ABCC4: variants seen among roughly 807,000 people sequenced by gnomAD.
ABCC4 encodes the protein ATP binding cassette subfamily C member 4 (PEL blood group).
ABCC4 carries 102 observed loss-of-function variants against 168.5 expected under a neutral mutation model. The ratio of observed to expected loss-of-function variants is 0.61; its 90% CI spans 0.52 to 0.71. ABCC4 has a LOEUF of 0.71. ABCC4 is among the 30% of genes least tolerant of loss of function. The probability of loss-of-function intolerance (pLI) is 0.00; values close to 1 mark genes in which losing one functional copy is unlikely to be tolerated. For synonymous variants in ABCC4, 617 were observed against 590.7 expected (o/e 1.04, Z -0.65); for missense variants, 1,402 against 1,605.8 (o/e 0.87, Z 2.17).
At chr13:95,113,336 G>A (rs564288063) in intron 20 of ABCC4, among the ~76,000 whole-genome samples, 98 of 152,300 alleles carry the variant, frequency 6.4e-4, no homozygotes, top group African/African-American at 2.3e-3. Flanking sequence ...TCAGCTAGCA[G>A]AGCTAATAGG....
chr13:95,298,247 C>T (rs1037658217), intron 1 of ABCC4, among the ~76,000 whole-genome samples: 7 of 152,112 alleles, frequency 4.6e-5, no homozygotes, highest in Admixed American at 3.9e-4. Flanking sequence ...AGAGATTGCA[C>T]CACTGCACTC....
chr13:95,141,577 T>C (rs1365702886), intron 19 of ABCC4, among the ~76,000 whole-genome samples: 1 of 152,070 alleles, frequency 6.6e-6, no homozygotes, highest in Non-Finnish European at 1.5e-5. Flanking sequence ...TCAATGAAGT[T>C]TTTAATAAAC....
chr13:95,133,936 T>C (rs1194695312), intron 19 of ABCC4, among the ~76,000 whole-genome samples: 1 of 152,212 alleles, frequency 6.6e-6, no homozygotes, highest in Non-Finnish European at 1.5e-5. Context: ...CCCACTTTCC[T>C]GCCCAAGCCA....
intron 25 of ABCC4, among the ~76,000 whole-genome samples, chr13:95,069,695 C>A (rs561650506): frequency 5.9e-5 from 9 of 152,312 alleles, no homozygotes; most frequent in African/African-American, 1.9e-4. Flanking sequence ...GTAAGTGGAA[C>A]CTTATAGCAC....
intron 8 of ABCC4, among the ~76,000 whole-genome samples, chr13:95,204,323 C>A (rs2038719379): frequency 6.6e-6 from 1 of 152,174 alleles, no homozygotes; most frequent in South Asian, 2.1e-4. Flanking sequence ...ACTAAGGCAG[C>A]AACATAGGTG....
chr13:95,166,453 T>C, intron 14 of ABCC4, 86 bp from the exon 15 acceptor site: 1 of 1,154,206 alleles, frequency 8.7e-7, no homozygotes, highest in Non-Finnish European at 1.2e-6. Flanking sequence ...AAAAAGTAAC[T>C]GATCTTAAGT....
chr13:95,042,257 C>T (rs996782474), intron 29 of ABCC4, among the ~76,000 whole-genome samples: 2 of 152,178 alleles, frequency 1.3e-5, no homozygotes, highest in Non-Finnish European at 2.9e-5. Context: ...ACTGACTACC[C>T]CTGTCTTCCC....
intron 21 of ABCC4, among the ~76,000 whole-genome samples, chr13:95,079,405 G>C (rs1380427858): frequency 1.3e-5 from 2 of 152,172 alleles, no homozygotes; most frequent in Non-Finnish European, 2.9e-5. Flanking sequence ...GACCTCTCAG[G>C]GTTATTACGG....
intron 1 of ABCC4, among the ~76,000 whole-genome samples, chr13:95,297,953 GATT>G (rs901300010): frequency 2.0e-5 from 3 of 152,114 alleles, no homozygotes; most frequent in African/African-American, 7.2e-5. Flanking sequence ...CTCAGATGAT[GATT>G]ATTATTATTT....
At chr13:95,057,467 T>C (rs1207501356) in intron 26 of ABCC4, among the ~76,000 whole-genome samples, 6 of 152,176 alleles carry the variant, frequency 3.9e-5, no homozygotes, top group Non-Finnish European at 8.8e-5. Context: ...CTTGATCTCT[T>C]GACCTCGTGA....
At chr13:95,029,835 C>G (rs1313094713) in intron 30 of ABCC4, among the ~76,000 whole-genome samples, 2 of 152,160 alleles carry the variant, frequency 1.3e-5, no homozygotes, top group African/African-American at 4.8e-5. Context: ...GAAACCGGAG[C>G]AGTACTGCAA....
At chr13:95,104,725 G>A (rs1289201190) in intron 20 of ABCC4, among the ~76,000 whole-genome samples, 2 of 152,172 alleles carry the variant, frequency 1.3e-5, no homozygotes, top group East Asian at 1.9e-4. Flanking sequence ...CGTTGAGGAA[G>A]AATCACAACT....
At chr13:95,132,587 G>A (rs752823649) in intron 19 of ABCC4, among the ~76,000 whole-genome samples, 6 of 152,066 alleles carry the variant, frequency 3.9e-5, no homozygotes, top group Non-Finnish European at 8.8e-5. Context: ...CTATGTATTT[G>A]TAATACATTA....
At chr13:95,244,625 G>GAAAGAAAGAAAGAAAGAAAGAAAGAA in intron 3 of ABCC4, among the ~76,000 whole-genome samples, 1 of 73,202 alleles carries the variant, frequency 1.4e-5, no homozygotes, top group Admixed American at 1.3e-4. Context: ...AAGAAAGAAA[G>GAAAGAAAGAAAGAAAGAAAGAAAGAA]AAAGAAAGAA....
intron 1 of ABCC4, among the ~76,000 whole-genome samples, chr13:95,272,457 T>A (rs1421339621): frequency 6.6e-6 from 1 of 152,222 alleles, no homozygotes; most frequent in Non-Finnish European, 1.5e-5. Context: ...AAAAGTACTT[T>A]CCAGCCCAGT....
At chr13:95,195,611 C>CT (rs1399180133) in intron 8 of ABCC4, among the ~76,000 whole-genome samples, 1 of 152,118 alleles carries the variant, frequency 6.6e-6, no homozygotes, top group African/African-American at 2.4e-5. Context: ...TTATAAGCTT[C>CT]TTTTCACAAT....
At chr13:95,092,808 T>C (rs1335047639) in intron 20 of ABCC4, among the ~76,000 whole-genome samples, 2 of 151,814 alleles carry the variant, frequency 1.3e-5, no homozygotes, top group Non-Finnish European at 2.9e-5. Context: ...TTTGAAAAGG[T>C]AAATAAAATT....
At chr13:95,077,282 A>G (rs1266289337) in intron 21 of ABCC4, among the ~76,000 whole-genome samples, 1 of 152,222 alleles carries the variant, frequency 6.6e-6, no homozygotes, top group East Asian at 1.9e-4. Flanking sequence ...GTGTAGCTCC[A>G]GAGAAGACCC....
intron 20 of ABCC4, among the ~76,000 whole-genome samples, chr13:95,094,639 G>A (rs2034533318): frequency 6.6e-6 from 1 of 152,114 alleles, no homozygotes; most frequent in African/African-American, 2.4e-5. Context: ...GAACCCAAAA[G>A]CAAATGCAAT....
Sources: gnomAD v4.1 joint callset for allele counts (sites outside exome capture counted in the v4.1 genomes callset) on GRCh38, gnomAD v4.1.1 for gene constraint, MANE v1.5 for transcripts, NCBI Gene and HGNC (gene_info 2026-07-23, HGNC 2026-07-21) for gene names.